The following TLL1 variants were observed in gnomAD, a reference collection of about 807,000 sequenced individuals.
TLL1 encodes tolloid-like protein 1.
In TLL1, 49 loss-of-function variants were observed where a neutral mutation model predicts 128.2. The ratio of observed to expected loss-of-function variants is 0.38; its 90% CI spans 0.30 to 0.48. The LOEUF is 0.48. Ranked by LOEUF, TLL1 falls within the 20% of genes least tolerant of loss-of-function variation. The probability of loss-of-function intolerance (pLI) is 0.96; values close to 1 mark genes in which losing one functional copy is unlikely to be tolerated. For synonymous variants in TLL1, 454 were observed against 418.8 expected, an observed-to-expected ratio of 1.08 and a Z score of -1.03; for missense variants, 1,123 against 1,242.0, an observed-to-expected ratio of 0.90 and a Z score of 1.44.
chr4:166,075,471 G>C (rs1319459455), intron 17 of TLL1, among the ~76,000 whole-genome samples: 2 of 152,198 alleles, frequency 1.3e-5, no homozygotes, highest in Non-Finnish European at 2.9e-5. Flanking sequence ...TTTGAAAATG[G>C]TAGACACTGT....
intron 1 of TLL1, among the ~76,000 whole-genome samples, chr4:165,955,760 A>G (rs1007581065): frequency 6.6e-6 from 1 of 152,174 alleles, no homozygotes; most frequent in Non-Finnish European, 1.5e-5. Flanking sequence ...ATACCATTAG[A>G]CCAGCCTTAC....
At chr4:165,902,098 G>A (rs543825797) in intron 1 of TLL1, among the ~76,000 whole-genome samples, 3 of 152,050 alleles carry the variant, frequency 2.0e-5, no homozygotes, top group Non-Finnish European at 2.9e-5. Flanking sequence ...CTCCCCCCAC[G>A]AAGCTTGAGC....
At chr4:165,982,736 T>TAAAA (rs5863791) in intron 1 of TLL1, among the ~76,000 whole-genome samples, 1 of 137,792 alleles carries the variant, frequency 7.3e-6, no homozygotes, top group Non-Finnish European at 1.6e-5. Context: ...GCAATGTATG[T>TAAAA]AAAAAAAAAA....
At chr4:166,007,913 T>A in intron 6 of TLL1, 30 bp from the exon 7 acceptor site, 2 of 1,438,172 alleles carry the variant, frequency 1.4e-6, no homozygotes, top group Non-Finnish European at 2.0e-6. Flanking sequence ...TTAAAAGGCT[T>A]CTGAGATTTT....
intron 5 of TLL1, among the ~76,000 whole-genome samples, chr4:165,998,349 C>G (rs1318112425): frequency 2.6e-5 from 4 of 151,970 alleles, no homozygotes; most frequent in Non-Finnish European, 5.9e-5. Flanking sequence ...TTTTGTGGAA[C>G]AATCTTACTT....
chr4:166,067,685 A>G (rs192040456), intron 16 of TLL1, among the ~76,000 whole-genome samples: 152 of 151,950 alleles, frequency 1.0e-3, no homozygotes, highest in African/African-American at 3.5e-3. Context: ...ATATATATAT[A>G]TGAATCAATT....
intron 12 of TLL1, among the ~76,000 whole-genome samples, chr4:166,051,278 C>T (rs80270496): frequency 0.047 from 6,774 of 145,328 alleles, 230 homozygotes; most frequent in African/African-American, 0.07. Context: ...TCCCTCCCTC[C>T]CTTCTTTCTT....
chr4:165,946,337 T>A (rs28799898), intron 1 of TLL1, among the ~76,000 whole-genome samples: 8,161 of 151,196 alleles, frequency 0.054, 715 homozygotes, highest in African/African-American at 0.19. Flanking sequence ...ACTAAATTTG[T>A]CATTCCTTTT....
At position 166,070,135 on chromosome 4, in the gene TLL1, G is replaced by T. The variant is rs1278188174; in HGVS notation, c.2188+4272G>T. Among the ~76,000 whole-genome samples the T allele has an allele frequency of 5.9e-5, 9 of 151,848 alleles. No homozygotes were observed. In the East Asian group the frequency reaches 1.7e-3, roughly 29 times the overall value. On this transcript the variant is annotated intron_variant, in intron 16 of 20. Coordinates refer to ENST00000061240, the MANE Select transcript of TLL1 (RefSeq NM_012464.5). ...GATTTGTTGCTAGATTAACAATAATGATTTCATTTATGTGATAGTAAAAGC... is the reference window on the plus strand; with the variant it reads ...GATTTGTTGCTAGATTAACAATAATTATTTCATTTATGTGATAGTAAAAGC...
chr4:165,953,479 C>A (rs1296536234), intron 1 of TLL1, among the ~76,000 whole-genome samples: 1 of 151,612 alleles, frequency 6.6e-6, no homozygotes, highest in Non-Finnish European at 1.5e-5. Flanking sequence ...TTATATATCA[C>A]CTCATGCTGC....
intron 1 of TLL1, among the ~76,000 whole-genome samples, chr4:165,880,354 C>A (rs183367999): frequency 5.9e-4 from 90 of 152,294 alleles, no homozygotes; most frequent in Non-Finnish European, 1.0e-3. Flanking sequence ...TAATTGAAAT[C>A]CAGAAAGTGA....
intron 6 of TLL1, among the ~76,000 whole-genome samples, chr4:166,005,805 T>C (rs890644732): frequency 1.3e-5 from 2 of 151,838 alleles, no homozygotes; most frequent in African/African-American, 4.8e-5. Context: ...TTTTTACTCT[T>C]AAAAATAGGA....
intron 9 of TLL1, among the ~76,000 whole-genome samples, chr4:166,032,430 G>GA (rs1453165942): frequency 6.6e-6 from 1 of 152,058 alleles, no homozygotes; most frequent in East Asian, 1.9e-4. Context: ...CTATAAGATA[G>GA]AAAAACATTA....
In TLL1 at chr4:165,932,961, G is replaced by A. The variant is rs578145774; in HGVS notation, c.170-56420G>A. 1.6e-4 allele frequency among the ~76,000 whole-genome samples: 25 copies of A among 152,248 alleles called. No homozygotes were observed. The East Asian group carries it at 4.2e-3, about 26-fold the overall frequency. On this transcript the variant is annotated intron_variant, in intron 1 of 20. Transcript: ENST00000061240. The stretch of plus-strand genomic sequence containing the variant: ...CTATACATAAGACACTTATGTTACC[G>A]GGGTACATTTACAGCTTCCGATTAG...
chr4:166,016,610 C>A (rs1051982476), intron 8 of TLL1, among the ~76,000 whole-genome samples: 3 of 151,916 alleles, frequency 2.0e-5, no homozygotes, highest in African/African-American at 7.2e-5. Context: ...GGGCCATTTT[C>A]TTACCTGAAA....
intron 8 of TLL1, among the ~76,000 whole-genome samples, chr4:166,016,851 T>C (rs1579628056): frequency 6.6e-6 from 1 of 151,998 alleles, no homozygotes; most frequent in East Asian, 1.9e-4. Flanking sequence ...AGATATCTAT[T>C]TCTCTCTGTA....
At chr4:166,077,776 G>T (rs561877572) in intron 17 of TLL1, 127 bp from the exon 18 acceptor site, 12 of 1,248,428 alleles carry the variant, frequency 9.6e-6, no homozygotes, top group East Asian at 2.4e-5. Context: ...TAACCGACAC[G>T]GGAGTGAAAA....
intron 1 of TLL1, among the ~76,000 whole-genome samples, chr4:165,970,849 A>G (rs1347470077): frequency 6.6e-6 from 1 of 152,194 alleles, no homozygotes; most frequent in African/African-American, 2.4e-5. Flanking sequence ...CAACTAATAA[A>G]TTGAGTCTTG....
chr4:165,896,882 C>G (rs554134334), intron 1 of TLL1, among the ~76,000 whole-genome samples: 1 of 152,258 alleles, frequency 6.6e-6, no homozygotes, highest in Non-Finnish European at 1.5e-5. Context: ...GTAAAAGCAT[C>G]CCTATTTTTC....
Sources: allele counts gnomAD v4.1 joint callset (sites outside exome capture counted in the v4.1 genomes callset), GRCh38; gene constraint gnomAD v4.1.1; transcripts MANE v1.5; gene names NCBI Gene and HGNC (gene_info 2026-07-23, HGNC 2026-07-21).